The following SPOCK3 variants were observed in gnomAD, a reference collection of about 807,000 sequenced individuals.
The protein encoded by SPOCK3 is testican-3.
In SPOCK3, 30 loss-of-function variants were observed where a neutral mutation model predicts 56.6. The ratio of observed to expected loss-of-function variants is 0.53; its 90% CI spans 0.40 to 0.72. The LOEUF (loss-of-function observed/expected upper bound fraction) is 0.72. Among genes scored for constraint, SPOCK3 ranks in the 30% least tolerant of loss-of-function variants. The pLI, the probability that SPOCK3 is intolerant of heterozygous loss-of-function variation, is 0.00. For missense variants in SPOCK3, 527 were observed against 530.0 expected (o/e 0.99, Z 0.06); for synonymous variants, 196 against 183.3 (o/e 1.07, Z -0.56).
intron 4 of SPOCK3, among the ~76,000 whole-genome samples, chr4:166,965,980 T>C (rs1306776596): frequency 1.3e-5 from 2 of 152,068 alleles, no homozygotes; most frequent in Non-Finnish European, 2.9e-5. Context: ...TCTCTAAAAA[T>C]CCTCTGTGCT....
chr4:167,183,100 A>G (rs987777759), intron 2 of SPOCK3, among the ~76,000 whole-genome samples: 4 of 152,068 alleles, frequency 2.6e-5, no homozygotes, highest in Non-Finnish European at 5.9e-5. Flanking sequence ...TCCTGGTCCT[A>G]AGACAGTTAG....
intron 6 of SPOCK3, among the ~76,000 whole-genome samples, chr4:166,861,334 CTTTT>C (rs1053932177): frequency 6.6e-6 from 1 of 151,990 alleles, no homozygotes; most frequent in Non-Finnish European, 1.5e-5. Context: ...CTCTCTCTCT[CTTTT>C]TTTCTCTCTC....
intron 3 of SPOCK3, among the ~76,000 whole-genome samples, chr4:167,041,882 T>C (rs1580098231): frequency 6.6e-6 from 1 of 152,126 alleles, no homozygotes; most frequent in East Asian, 1.9e-4. Flanking sequence ...ATATACAATT[T>C]TATGTATTAA....
intron 3 of SPOCK3, among the ~76,000 whole-genome samples, chr4:167,013,789 G>T (rs1750332143): frequency 6.6e-6 from 1 of 151,990 alleles, no homozygotes; most frequent in Non-Finnish European, 1.5e-5. Flanking sequence ...TTTATCGGTA[G>T]TTCCTTGATG....
At chr4:167,108,532 G>C (rs1760387030) in intron 2 of SPOCK3, among the ~76,000 whole-genome samples, 1 of 151,828 alleles carries the variant, frequency 6.6e-6, no homozygotes, top group African/African-American at 2.4e-5. Context: ...AGGTCATTAT[G>C]TTAAGTGCAA....
intron 8 of SPOCK3, among the ~76,000 whole-genome samples, chr4:166,751,216 A>G (rs746868135): frequency 2.0e-5 from 3 of 152,198 alleles, no homozygotes; most frequent in Non-Finnish European, 4.4e-5. Context: ...ATTTGATTTA[A>G]TAGGAAAATC....
chr4:167,039,764 G>T (rs1408078454), intron 3 of SPOCK3, among the ~76,000 whole-genome samples: 2 of 151,992 alleles, frequency 1.3e-5, no homozygotes, highest in Non-Finnish European at 2.9e-5. Context: ...GGAATAAAAG[G>T]TGTTATCTGT....
At chr4:166,975,123 G>T (rs2150081012) in intron 4 of SPOCK3, among the ~76,000 whole-genome samples, 1 of 152,232 alleles carries the variant, frequency 6.6e-6, no homozygotes, top group South Asian at 2.1e-4. Context: ...GCCCTCCACA[G>T]CAGCTGACCA....
chr4:167,059,958 C>T (rs1056211859), intron 3 of SPOCK3, among the ~76,000 whole-genome samples: 5 of 150,828 alleles, frequency 3.3e-5, no homozygotes, highest in African/African-American at 1.2e-4. Flanking sequence ...ACAATGCGAA[C>T]ACATGGACAC....
chr4:166,990,855 ATAAT>A (rs1747709058), intron 4 of SPOCK3, among the ~76,000 whole-genome samples: 1 of 152,256 alleles, frequency 6.6e-6, no homozygotes, highest in East Asian at 1.9e-4. Context: ...TTTAAGAAAT[ATAAT>A]TGATGAACTG....
intron 7 of SPOCK3, among the ~76,000 whole-genome samples, chr4:166,772,501 A>C (rs1367773864): frequency 6.6e-6 from 1 of 152,184 alleles, no homozygotes; most frequent in African/African-American, 2.4e-5. Flanking sequence ...CATATGAAAT[A>C]TTATCTAATA....
intron 4 of SPOCK3, among the ~76,000 whole-genome samples, chr4:166,982,176 C>G (rs367669883): frequency 2.6e-5 from 4 of 152,298 alleles, no homozygotes; most frequent in East Asian, 1.9e-4. Context: ...GCATGTGACC[C>G]CAGCCATGCC....
At chr4:166,976,713 A>G (rs187209590) in intron 4 of SPOCK3, among the ~76,000 whole-genome samples, 204 of 152,236 alleles carry the variant, frequency 1.3e-3, no homozygotes, top group Middle Eastern at 3.4e-3. Context: ...CATAAAGAAA[A>G]GCACACGACA....
chr4:167,225,629 G>A (rs1185475992), intron 2 of SPOCK3, among the ~76,000 whole-genome samples: 1 of 151,966 alleles, frequency 6.6e-6, no homozygotes, highest in East Asian at 1.9e-4. Flanking sequence ...AAATAGGAAC[G>A]TTTTTCTGTA....
At chr4:166,993,608 G>C (rs71620409) in intron 4 of SPOCK3, among the ~76,000 whole-genome samples, 7 of 151,918 alleles carry the variant, frequency 4.6e-5, no homozygotes, top group Non-Finnish European at 1.5e-5. Flanking sequence ...TTTATTTAAC[G>C]TATAAGGTAA....
intron 3 of SPOCK3, among the ~76,000 whole-genome samples, chr4:167,000,743 T>C (rs1748869096): frequency 6.6e-6 from 1 of 152,158 alleles, no homozygotes; most frequent in African/African-American, 2.4e-5. Flanking sequence ...TCAAACTCTC[T>C]GTAGTTGCTA....
intron 4 of SPOCK3, among the ~76,000 whole-genome samples, chr4:166,913,922 A>G (rs1737557198): frequency 6.6e-6 from 1 of 152,192 alleles, no homozygotes; most frequent in Admixed American, 6.5e-5. Flanking sequence ...AATAGATACA[A>G]TGGGAGAAAA....
chr4:166,762,596 T>G (rs1416032276), intron 7 of SPOCK3, among the ~76,000 whole-genome samples: 2 of 152,030 alleles, frequency 1.3e-5, no homozygotes. Context: ...GTAGATGAGA[T>G]ATGTACTACA....
chr4:166,754,462 G>C (rs368241902), intron 8 of SPOCK3, 46 bp downstream of exon 8: 15 of 1,568,720 alleles, frequency 9.6e-6, no homozygotes, highest in East Asian at 6.8e-5. Context: ...AGTAAAATTT[G>C]ACATGCAGGT....
Sources: allele counts gnomAD v4.1 joint callset (sites outside exome capture counted in the v4.1 genomes callset), GRCh38; gene constraint gnomAD v4.1.1; transcripts MANE v1.5; gene names NCBI Gene and HGNC (gene_info 2026-07-23, HGNC 2026-07-21).